Variants in SPG21 observed in about 807,000 individuals in gnomAD.
The protein encoded by SPG21 is maspardin.
SPG21 carries 26 observed loss-of-function variants against 38.9 expected under a neutral mutation model. The ratio of observed to expected loss-of-function variants is 0.67; its 90% CI spans 0.49 to 0.93. The LOEUF (loss-of-function observed/expected upper bound fraction) is 0.93. Ranked by LOEUF, SPG21 falls within the 40% of genes least tolerant of loss-of-function variation. The pLI is 0.00. For synonymous variants in SPG21, 136 were observed against 128.9 expected, an observed-to-expected ratio of 1.05 and a Z score of -0.37; for missense variants, 333 against 376.5, an observed-to-expected ratio of 0.88 and a Z score of 0.96.
intron 8 of SPG21, among the ~76,000 whole-genome samples, chr15:64,964,735 A>G (rs2085510920): frequency 6.6e-6 from 1 of 151,866 alleles, no homozygotes; most frequent in Non-Finnish European, 1.5e-5. Flanking sequence ...GATTCAAGTG[A>G]TTCTTCTGCC....
chr15:64,986,835 C>G (rs571298101), intron 1 of SPG21, among the ~76,000 whole-genome samples: 79 of 152,224 alleles, frequency 5.2e-4, no homozygotes, highest in African/African-American at 1.7e-3. Context: ...ATATTTTCTA[C>G]CTGGACAGAC....
chr15:64,963,808 G>C, intron 8 of SPG21, 72 bp from the exon 9 acceptor site: 3 of 1,382,622 alleles, frequency 2.2e-6, no homozygotes, highest in Non-Finnish European at 3.1e-6. Flanking sequence ...CCAGGCTGGA[G>C]TGCAGTGGCA....
chr15:64,981,005 G>A lies in SPG21; in HGVS notation c.84C>T (p.Asp28=), dbSNP rs151335372. Residue 28 remains aspartate (D), a synonymous_variant, in exon 3 of 9, where the codon GAC becomes GAT. Transcript: ENST00000204566. ...CGTCATAGAGCGACCATATCTTACT[G>A]TCATCATCATCCACAATAATCTGGA... ...PLKKIIVDDD[D]SKIWSLYDAG... 55 of 1,613,986 alleles carry A rather than the reference G, an allele frequency of 3.4e-5. No individual in the cohort carries two copies. Among genetic ancestry groups the A allele is most frequent in the Non-Finnish European group, 4.2e-5 (50 of 1,180,036 alleles).
In SPG21 at chr15:64,972,368, A is replaced by G. The variant is rs115429037; in HGVS notation, c.453-2146T>C. ...TAAGCAGCTGATGTGCCAGAGCACA[A>G]ACTGAATGGGGGCTGTCTTGGCATT... On this transcript the variant is annotated intron_variant, in intron 5 of 8. Coordinates refer to ENST00000204566, the MANE Select transcript of SPG21 (RefSeq NM_016630.7). 8.1e-3 allele frequency among the ~76,000 whole-genome samples: 1,229 copies of G among 152,328 alleles called. 21 individuals are homozygous for G. Among genetic ancestry groups the G allele is most frequent in the African/African-American group, 0.028 (1,167 of 41,564 alleles).
intron 3 of SPG21, among the ~76,000 whole-genome samples, chr15:64,978,801 C>T (rs925832100): frequency 6.6e-6 from 1 of 151,982 alleles, no homozygotes; most frequent in Non-Finnish European, 1.5e-5. Flanking sequence ...TTAATACATA[C>T]AAACAAATGA....
chr15:64,968,340 C>CAAAAAAAAA (rs11305475), intron 7 of SPG21, among the ~76,000 whole-genome samples: 2 of 109,692 alleles, frequency 1.8e-5, no homozygotes, highest in Admixed American at 1.1e-4. Flanking sequence ...ACCCTGTTTC[C>CAAAAAAAAA]AAAAAAAAAA....
chr15:64,971,205 G>A (rs1236707898), intron 5 of SPG21, among the ~76,000 whole-genome samples: 1 of 151,988 alleles, frequency 6.6e-6, no homozygotes, highest in Non-Finnish European at 1.5e-5. Flanking sequence ...CTACGGGCTC[G>A]TACCACCAGG....
chr15:64,966,508 T>C (rs1256950214), intron 7 of SPG21, among the ~76,000 whole-genome samples: 1 of 152,198 alleles, frequency 6.6e-6, no homozygotes, highest in Non-Finnish European at 1.5e-5. Context: ...TTCTATGTTA[T>C]GGCAAATGTC....
chr15:64,965,233 AT>A, intron 8 of SPG21, 86 bp downstream of exon 8: 1 of 1,552,228 alleles, frequency 6.4e-7, no homozygotes, highest in Non-Finnish European at 8.9e-7. Context: ...TAGTTCACTG[AT>A]TCCCTAACTA....
intron 7 of SPG21, among the ~76,000 whole-genome samples, chr15:64,968,340 C>CCAAAAAAAA (rs1260971823): frequency 9.1e-6 from 1 of 109,702 alleles, no homozygotes; most frequent in African/African-American, 3.6e-5. Flanking sequence ...ACCCTGTTTC[C>CCAAAAAAAA]AAAAAAAAAA....
intron 1 of SPG21, chr15:64,988,978 T>A (rs1217332466): frequency 5.1e-5 from 5 of 97,740 alleles, no homozygotes; most frequent in African/African-American, 1.7e-4. Flanking sequence ...CGAGACTCCG[T>A]CTCAAAAAAA....
intron 7 of SPG21, among the ~76,000 whole-genome samples, chr15:64,966,081 C>T (rs2085535742): frequency 6.6e-6 from 1 of 152,024 alleles, no homozygotes; most frequent in Admixed American, 6.6e-5. Context: ...TAATAGAGAA[C>T]AATCATTGCA....
In SPG21 at chr15:64,969,342, A is replaced by G. The variant is rs199955911; in HGVS notation, c.582T>C (p.Ser194=). 3 of 1,613,912 alleles carry G rather than the reference A, an allele frequency of 1.9e-6. No individual in the cohort carries two copies. Among genetic ancestry groups the G allele is most frequent in the Non-Finnish European group, 2.5e-6 (3 of 1,179,828 alleles). The change falls in exon 7 of 9, where the codon AGT becomes AGC. Residue 194 remains serine (S), a synonymous_variant. Transcript: ENST00000204566. ...TCAAGGTAAGTCTTGAAGCCAGTTCACTCTGACCCAAACTTTCTAGCTGCA... is the reference window on the plus strand; with the variant it reads ...TCAAGGTAAGTCTTGAAGCCAGTTCGCTCTGACCCAAACTTTCTAGCTGCA... ...MVDRLESLGQ[S]ELASRLTLNC...
At chr15:64,967,080 A>G (rs2085553900) in intron 7 of SPG21, among the ~76,000 whole-genome samples, 1 of 152,068 alleles carries the variant, frequency 6.6e-6, no homozygotes, top group South Asian at 2.1e-4. Flanking sequence ...GGTCCAGGAT[A>G]TAGAGAAACT....
chr15:64,965,451 G>C lies in SPG21; in HGVS notation c.679C>G (p.Gln227Glu). 6.2e-7 allele frequency: 1 copy of C among 1,614,118 alleles called. No individual in the cohort carries two copies. Residue 227 changes from glutamine (Q) to glutamate (E), a missense_variant, in exon 8 of 9, where the codon CAG (glutamine) becomes GAG (glutamate). Coordinates refer to ENST00000204566, the MANE Select transcript of SPG21 (RefSeq NM_016630.7). ...IPVTIMDVFDQSALSTEAKEE... is the reference protein window; with the variant it reads ...IPVTIMDVFDESALSTEAKEE... ...TTAGCTTCAGTTGAAAGCGCACTCT[G>C]ATCAAACACCTTTAAAAAACACAAA...
chr15:64,976,870 C>T (rs1012299599), intron 3 of SPG21, among the ~76,000 whole-genome samples: 13 of 152,124 alleles, frequency 8.5e-5, no homozygotes, highest in Non-Finnish European at 1.6e-4. Context: ...ACAGCAGAAC[C>T]CATTCCAGTA....
intron 5 of SPG21, among the ~76,000 whole-genome samples, chr15:64,971,246 TG>T: frequency 6.6e-6 from 1 of 151,746 alleles, no homozygotes; most frequent in South Asian, 2.1e-4. Flanking sequence ...TTTACTGAGC[TG>T]GGGGAGCCGG....
intron 4 of SPG21, among the ~76,000 whole-genome samples, chr15:64,975,217 G>A (rs2085750581): frequency 1.3e-5 from 2 of 151,472 alleles, no homozygotes; most frequent in South Asian, 2.1e-4. Context: ...GAACCTGGCA[G>A]GCGGAGGTTG....
rs1199494362 is a variant in SPG21, at chr15:64,983,592, T to A, written c.-23A>T. The A allele has an allele frequency of 2.0e-6, 3 of 1,537,076 alleles. No homozygotes were observed. The highest frequency in any genetic ancestry group is 4.6e-5 in the East Asian group (2 of 43,190). ...CATGATTAGCTGAAATGGAGGTTAATCCTGAAATAAAAGCATGTGATATTT... is the reference window on the plus strand; with the variant it reads ...CATGATTAGCTGAAATGGAGGTTAAACCTGAAATAAAAGCATGTGATATTT... On this transcript the variant is annotated splice_region_variant and 5_prime_UTR_variant, in exon 2 of 9. Transcript: ENST00000204566.
Sources: allele counts gnomAD v4.1 joint callset (sites outside exome capture counted in the v4.1 genomes callset), GRCh38; gene constraint gnomAD v4.1.1; transcripts MANE v1.5; gene names NCBI Gene and HGNC (gene_info 2026-07-23, HGNC 2026-07-21).